AXIN1: variants seen among roughly 807,000 people sequenced by gnomAD.
The protein encoded by AXIN1 is axin 1, also known as axin-1.
A neutral mutation model predicts 76.4 loss-of-function variants in AXIN1; 30 were observed. The observed-to-expected ratio is 0.39, with a 90% CI of 0.29 to 0.53. AXIN1 has a LOEUF of 0.53. Among genes scored for constraint, AXIN1 ranks in the 20% least tolerant of loss-of-function variants. The pLI is 0.66. For missense variants in AXIN1, 1,140 were observed against 1,198.8 expected (o/e 0.95, Z 0.72); for synonymous variants, 545 against 501.4 (o/e 1.09, Z -1.16).
intron 9 of AXIN1, 157 bp downstream of exon 9, chr16:291,033 C>T: frequency 2.8e-6 from 2 of 722,982 alleles, no homozygotes; most frequent in East Asian, 2.7e-5. Flanking sequence ...TCTCGGGCAG[C>T]TTCGAGTCTG....
At chr16:302,789 T>C (rs1205247242) in intron 5 of AXIN1, among the ~76,000 whole-genome samples, 1 of 152,224 alleles carries the variant, frequency 6.6e-6, no homozygotes, top group Non-Finnish European at 1.5e-5. Context: ...AGTATTCATA[T>C]TCACGAACAT....
At chr16:339,334 T>G (rs1358899870) in intron 2 of AXIN1, among the ~76,000 whole-genome samples, 1 of 145,578 alleles carries the variant, frequency 6.9e-6, no homozygotes, top group Non-Finnish European at 1.5e-5. Context: ...AAACCCCGTC[T>G]CTACTAAAAA....
intron 1 of AXIN1, among the ~76,000 whole-genome samples, chr16:351,132 C>CAAAAAAAAAA (rs71391129): frequency 1.8e-5 from 2 of 111,592 alleles, no homozygotes; most frequent in Non-Finnish European, 3.7e-5. Flanking sequence ...AACTCTGTCT[C>CAAAAAAAAAA]AAAAAAAAAA....
chr16:331,434 G>C (rs1239736909), intron 2 of AXIN1, among the ~76,000 whole-genome samples: 1 of 152,174 alleles, frequency 6.6e-6, no homozygotes, highest in African/African-American at 2.4e-5. Flanking sequence ...GACTCTGAGT[G>C]TGCAGCAGGA....
At chr16:305,400 T>C (rs1337558653) in intron 4 of AXIN1, among the ~76,000 whole-genome samples, 1 of 152,122 alleles carries the variant, frequency 6.6e-6, no homozygotes, top group African/African-American at 2.4e-5. Context: ...GCATAAGTCC[T>C]GGGAGATCAA....
intron 1 of AXIN1, among the ~76,000 whole-genome samples, chr16:348,174 G>A (rs953430306): frequency 6.6e-6 from 1 of 152,160 alleles, no homozygotes; most frequent in Non-Finnish European, 1.5e-5. Context: ...TTCCTGCCAC[G>A]TCCTACAGGA....
intron 2 of AXIN1, among the ~76,000 whole-genome samples, chr16:320,924 G>A (rs1382045391): frequency 6.6e-6 from 1 of 151,860 alleles, no homozygotes; most frequent in African/African-American, 2.4e-5. Context: ...ATTTTTAGTA[G>A]AGACAAGGTT....
At chr16:317,028 T>C (rs954524935) in intron 2 of AXIN1, among the ~76,000 whole-genome samples, 1 of 152,152 alleles carries the variant, frequency 6.6e-6, no homozygotes, top group Admixed American at 6.5e-5. Context: ...AACTGCCATG[T>C]CGGAGGTGCA....
At chr16:313,889 C>T (rs568331692) in intron 3 of AXIN1, among the ~76,000 whole-genome samples, 2 of 152,304 alleles carry the variant, frequency 1.3e-5, no homozygotes, top group African/African-American at 2.4e-5. Flanking sequence ...TCACCTCGAG[C>T]GTCACACATG....
chr16:304,959 G>A (rs557262355), intron 4 of AXIN1, among the ~76,000 whole-genome samples: 1 of 152,344 alleles, frequency 6.6e-6, no homozygotes, highest in South Asian at 2.1e-4. Flanking sequence ...AGGAGACAGG[G>A]CTGCTTCTTT....
intron 7 of AXIN1, among the ~76,000 whole-genome samples, chr16:295,105 T>C (rs2052674944): frequency 1.3e-5 from 2 of 151,288 alleles, no homozygotes; most frequent in Non-Finnish European, 2.9e-5. Flanking sequence ...ACTTTTTTTT[T>C]TTCTTTTTTT....
At chr16:301,940 A>G (rs2052884813) in intron 5 of AXIN1, among the ~76,000 whole-genome samples, 1 of 152,234 alleles carries the variant, frequency 6.6e-6, no homozygotes, top group Admixed American at 6.5e-5. Flanking sequence ...TGCTGACGTC[A>G]CAGCCCGTGG....
intron 4 of AXIN1, 87 bp from the exon 5 acceptor site, chr16:304,528 C>T (rs2141548548): frequency 6.3e-7 from 1 of 1,579,908 alleles, no homozygotes; most frequent in Non-Finnish European, 8.6e-7. Flanking sequence ...TGTGCTATCT[C>T]TGTTGTATTT....
At position 319,677 on chromosome 16, in the gene AXIN1, C is replaced by T. The variant is rs536164204; in HGVS notation, c.879-4994G>A. On this transcript the variant is annotated intron_variant, in intron 2 of 10. Coordinates refer to ENST00000262320, the MANE Select transcript of AXIN1 (RefSeq NM_003502.4). Reference sequence around the variant, plus strand: ...GGAAGGCACCTCTCTGGGACTCCCGCGGCTGCTCCCACATCCAGCATGGCC... The same window carrying T: ...GGAAGGCACCTCTCTGGGACTCCCGTGGCTGCTCCCACATCCAGCATGGCC... Among the ~76,000 whole-genome samples the T allele has an allele frequency of 2.0e-4, 31 of 152,328 alleles. No individual in the cohort carries two copies. In the South Asian group the frequency reaches 4.4e-3, roughly 21 times the overall value.
At chr16:351,242 T>C (rs1482119898) in intron 1 of AXIN1, among the ~76,000 whole-genome samples, 6 of 152,116 alleles carry the variant, frequency 3.9e-5, no homozygotes, top group Admixed American at 2.0e-4. Context: ...CTCGAGATTC[T>C]TCCTGAAGAA....
rs987762801 is a variant in AXIN1 at position 287,452 on chromosome 16, A to G, written c.*670T>C. 2 of 438,664 alleles carry G rather than the reference A, an allele frequency of 4.6e-6. No homozygotes were observed. The highest frequency in any genetic ancestry group is 8.1e-6 in the Non-Finnish European group (2 of 247,142). The allele number at this position is 438,664 out of a possible 1,614,324, so 27.2% of individuals were successfully genotyped here. On this transcript the variant is annotated 3_prime_UTR_variant, in exon 11 of 11. Coordinates refer to ENST00000262320, the MANE Select transcript of AXIN1 (RefSeq NM_003502.4). ...CACCACAGCCAGGGCAGGTTCAAAA[A>G]CAGTTTTATTTCATTATTATCCAAG...
At position 304,293 on chromosome 16, in the gene AXIN1, G is replaced by A. The variant is rs371574043; in HGVS notation, c.1254+11C>T. ...CCGACGCGGAGCGCGACACCGACGC[G>A]GCCCACTCACCATGCGCACGCGCTT... is the stretch of plus-strand genomic sequence containing the variant. On this transcript the variant is annotated intron_variant, in intron 5 of 10. Coordinates refer to ENST00000262320, the MANE Select transcript of AXIN1 (RefSeq NM_003502.4). 7.4e-6 allele frequency: 12 copies of A among 1,610,750 alleles called. No individual in the cohort carries two copies. Among genetic ancestry groups the A allele is most frequent in the Admixed American group, 5.0e-5 (3 of 59,970 alleles).
At chr16:306,157 CCACA>C (rs369132561) in intron 4 of AXIN1, among the ~76,000 whole-genome samples, 2 of 151,928 alleles carry the variant, frequency 1.3e-5, no homozygotes. Context: ...GCACACACAC[CCACA>C]CACACGTACA....
At chr16:299,377 C>T (rs1407735384) in intron 5 of AXIN1, among the ~76,000 whole-genome samples, 1 of 152,126 alleles carries the variant, frequency 6.6e-6, no homozygotes, top group African/African-American at 2.4e-5. Flanking sequence ...TATTTAGAGT[C>T]AGAGTCGCTC....
Sources: allele counts gnomAD v4.1 joint callset (sites outside exome capture counted in the v4.1 genomes callset), GRCh38; gene constraint gnomAD v4.1.1; transcripts MANE v1.5; gene names NCBI Gene and HGNC (gene_info 2026-07-23, HGNC 2026-07-21).